The following KLF11 variants were observed in gnomAD, a reference collection of about 807,000 sequenced individuals.
KLF11 encodes the protein KLF transcription factor 11.
In KLF11, 26 loss-of-function variants were observed where a neutral mutation model predicts 29.9. The ratio of observed to expected loss-of-function variants is 0.87; its 90% CI spans 0.64 to 1.21. The LOEUF (loss-of-function observed/expected upper bound fraction) is 1.21. Ranked by LOEUF, KLF11 falls within the 50% of genes most tolerant of loss-of-function variation. The pLI is 0.00. For synonymous variants in KLF11, 318 were observed against 257.4 expected (o/e 1.24, Z -2.25); for missense variants, 778 against 665.7 (o/e 1.17, Z -1.86).
intron 1 of KLF11, chr2:10,044,231 G>GT: frequency 1.2e-6 from 1 of 857,426 alleles, no homozygotes; most frequent in Non-Finnish European, 1.3e-6. Context: ...GGGCCTGGGG[G>GT]CGGGCAAGGT....
At chr2:10,045,297 C>T (rs1661156936) in intron 1 of KLF11, among the ~76,000 whole-genome samples, 1 of 151,430 alleles carries the variant, frequency 6.6e-6, no homozygotes, top group African/African-American at 2.4e-5. Flanking sequence ...TGGTGGCGGA[C>T]GCCTCCCAGC....
chr2:10,047,622 C>T (rs200811754), intron 2 of KLF11, 28 bp from the exon 3 acceptor site: 13 of 1,581,710 alleles, frequency 8.2e-6, no homozygotes, highest in Middle Eastern at 1.7e-4. Context: ...TTTAAAGCAA[C>T]CTTTTAACAT....
chr2:10,048,995 G>A (rs1226552887), intron 3 of KLF11, among the ~76,000 whole-genome samples: 2 of 148,982 alleles, frequency 1.3e-5, no homozygotes, highest in African/African-American at 5.0e-5. Context: ...ATGTTTATGT[G>A]AGAAAAGGTC....
At position 10,052,471 on chromosome 2, in the gene KLF11, G is replaced by T; in HGVS notation, c.1503G>T (p.Pro501=). Residue 501 remains proline (P), a synonymous_variant, in exon 4 of 4, where the codon CCG becomes CCT. Coordinates refer to ENST00000305883, the MANE Select transcript of KLF11 (RefSeq NM_003597.5). Reference sequence around the variant, plus strand: ...ACAGAATCGCCTCTGCAGAGAGCCCGGGGAGCCCACTGGTGAGCATGCCAG... The same window carrying T: ...ACAGAATCGCCTCTGCAGAGAGCCCTGGGAGCCCACTGGTGAGCATGCCAG... ...KLNRIASAES[P]GSPLVSMPAS... 6.2e-7 allele frequency: 1 copy of T among 1,613,996 alleles called. No homozygotes were observed. The highest frequency in any genetic ancestry group is 8.5e-7 in the Non-Finnish European group (1 of 1,179,998).
chr2:10,052,465 G>A lies in KLF11; in HGVS notation c.1497G>A (p.Glu499=), dbSNP rs1245463200. ...VGKLNRIASA[E]SPGSPLVSMP... is the part of the protein sequence containing the mutation. ...AGCTGAACAGAATCGCCTCTGCAGA[G>A]AGCCCGGGGAGCCCACTGGTGAGCA... Residue 499 remains glutamate (E), a synonymous_variant, in exon 4 of 4, where the codon GAG becomes GAA. Coordinates refer to ENST00000305883, the MANE Select transcript of KLF11 (RefSeq NM_003597.5). The A allele has an allele frequency of 6.2e-7, 1 of 1,614,072 alleles. No homozygotes were observed. The highest frequency in any genetic ancestry group is 2.2e-5 in the East Asian group (1 of 44,876).
At chr2:10,050,892 C>CTTTTTTTTTTTTTTTTTTTTT (rs386389509) in intron 3 of KLF11, among the ~76,000 whole-genome samples, 2 of 54,824 alleles carry the variant, frequency 3.6e-5, no homozygotes, top group Non-Finnish European at 3.1e-5. Context: ...TAGATGCTAC[C>CTTTTTTTTTTTTTTTTTTTTT]TTTTTTTTTT....
At position 10,046,143 on chromosome 2, in the gene KLF11, C is replaced by G. The variant is rs371633895; in HGVS notation, c.43-7C>G. On this transcript the variant is annotated splice_region_variant and splice_polypyrimidine_tract_variant and intron_variant, in intron 1 of 3. Transcript: ENST00000305883. ...ACTGAGAAGCCGTTGTGTTGTGTCG[C>G]CTTTAGGTTGACATCATGGACATAT... 12 of 1,613,222 alleles carry G rather than the reference C, an allele frequency of 7.4e-6. No individual in the cohort carries two copies. The highest frequency in any genetic ancestry group is 1.3e-5 in the African/African-American group (1 of 74,882).
At position 10,047,925 on chromosome 2, in the gene KLF11, G is replaced by T. The variant is rs1173108969; in HGVS notation, c.588G>T (p.Arg196=). Residue 196 remains arginine (R), a synonymous_variant, in exon 3 of 4, where the codon CGG becomes CGT. Transcript: ENST00000305883. ...CFPTIQTPDC[R]LSDSREGEEQ... is the part of the protein sequence containing the mutation. Reference sequence around the variant, plus strand: ...CCACCATCCAGACTCCAGATTGCCGGCTTTCTGACAGCAGAGAAGGAGAAG... The same window carrying T: ...CCACCATCCAGACTCCAGATTGCCGTCTTTCTGACAGCAGAGAAGGAGAAG... The T allele has an allele frequency of 5.6e-6, 9 of 1,613,776 alleles. No individual in the cohort carries two copies. The highest frequency in any genetic ancestry group is 7.6e-6 in the Non-Finnish European group (9 of 1,180,042).
At chr2:10,049,127 T>G (rs183179589) in intron 3 of KLF11, among the ~76,000 whole-genome samples, 1 of 152,316 alleles carries the variant, frequency 6.6e-6, no homozygotes, top group Non-Finnish European at 1.5e-5. Context: ...GACCTAATGA[T>G]CTCTCTGTTG....
In KLF11 at chr2:10,052,242, A is replaced by G. The variant is rs1252035968; in HGVS notation, c.1274A>G (p.Asn425Ser). The G allele has an allele frequency of 3.7e-6, 6 of 1,614,126 alleles. No homozygotes were observed. The highest frequency in any genetic ancestry group is 4.2e-6 in the Non-Finnish European group (5 of 1,180,014). Residue 425 changes from asparagine (N) to serine (S), a missense_variant, in exon 4 of 4, where the codon AAC becomes AGC. Transcript: ENST00000305883. ...LRTHTGEKPF[N>S]CSWDGCDKKF... is the part of the protein sequence containing the mutation. ...CACCTCACAGGGGAGAAGCCTTTCAACTGCAGCTGGGATGGCTGTGATAAA... is the reference window on the plus strand; with the variant it reads ...CACCTCACAGGGGAGAAGCCTTTCAGCTGCAGCTGGGATGGCTGTGATAAA...
Position 10,046,398 on chromosome 2 carries a change from C to T in KLF11, c.291C>T (p.Asp97=), listed in dbSNP as rs1661204841. Residue 97 remains aspartate (D), a synonymous_variant, in exon 2 of 4, where the codon GAC becomes GAT. Transcript: ENST00000305883. ...CAGCCACACCTGAACTACCAAAAGA[C>T]TTCCATTCTTTATCGACTCTGGTAA... ...MDAATPELPK[D]FHSLSTLCIT... The T allele has an allele frequency of 6.2e-7, 1 of 1,614,022 alleles. No individual in the cohort carries two copies.
chr2:10,044,031 G>T, intron 1 of KLF11: 1 of 715,510 alleles, frequency 1.4e-6, no homozygotes, highest in African/African-American at 1.9e-5. Flanking sequence ...TGGCCCCGCG[G>T]CTATTTCCAG....
At position 10,048,157 on chromosome 2, in the gene KLF11, C is replaced by T. The variant is rs1297154872; in HGVS notation, c.820C>T (p.Pro274Ser). The change falls in exon 3 of 4, where the codon CCT becomes TCT. Residue 274 changes from proline (P) to serine (S), a missense_variant. Coordinates refer to ENST00000305883, the MANE Select transcript of KLF11 (RefSeq NM_003597.5). ...YENDLPRKTT[P>S]LISVSVPAPP... The stretch of plus-strand genomic sequence containing the variant: ...AAATGACCTGCCCAGGAAAACCACC[C>T]CTCTGATTTCTGTCTCTGTCCCTGC... 2 of 1,614,180 alleles carry T rather than the reference C, an allele frequency of 1.2e-6. No individual in the cohort carries two copies. The highest frequency in any genetic ancestry group is 8.5e-7 in the Non-Finnish European group (1 of 1,180,028).
intron 1 of KLF11, 55 bp downstream of exon 1, chr2:10,043,813 G>A (rs974789594): frequency 3.8e-6 from 5 of 1,329,234 alleles, no homozygotes; most frequent in Non-Finnish European, 2.9e-6. Context: ...GGGCGAGGCG[G>A]GGGAAGTGGT....
In KLF11 at chr2:10,046,222, A is replaced by G. The variant is rs1167246239; in HGVS notation, c.115A>G (p.Ile39Val). Residue 39 changes from isoleucine to valine, a missense_variant, in exon 2 of 4, where the codon ATC (isoleucine) becomes GTC (valine). Coordinates refer to ENST00000305883, the MANE Select transcript of KLF11 (RefSeq NM_003597.5). Reference sequence around the variant, plus strand: ...TGACAGCGAAAGGTCTACTTGCAGCATCTTGGAGCAGACAGACATGGAAGC... The same window carrying G: ...TGACAGCGAAAGGTCTACTTGCAGCGTCTTGGAGCAGACAGACATGGAAGC... ...RHDSERSTCS[I>V]LEQTDMEAVE... is the part of the protein sequence containing the mutation. 1 of 1,614,072 alleles carries G rather than the reference A, an allele frequency of 6.2e-7. No homozygotes were observed. The highest frequency in any genetic ancestry group is 1.3e-5 in the African/African-American group (1 of 74,922).
At chr2:10,046,505 C>A in intron 2 of KLF11, 86 bp downstream of exon 2, 1 of 1,450,258 alleles carries the variant, frequency 6.9e-7, no homozygotes, top group Non-Finnish European at 9.6e-7. Flanking sequence ...TGAGAAGATT[C>A]CCTGGGATGC....
chr2:10,043,649 C>G lies in KLF11; in HGVS notation c.-68C>G, dbSNP rs1375427329. On this transcript the variant is annotated 5_prime_UTR_variant, in exon 1 of 4. Transcript: ENST00000305883. ...CGCCGCCGCCGCCGCCCGCAGCCCA[C>G]GTGCGGCCGCTGCTGCGCCCGAGCT... 1.7e-6 allele frequency: 2 copies of G among 1,150,896 alleles called. No individual in the cohort carries two copies. Among genetic ancestry groups the G allele is most frequent in the Non-Finnish European group, 2.2e-6 (2 of 914,216 alleles). 71.3% of individuals were successfully genotyped at this position (1,150,896 alleles called of 1,614,324 possible).
intron 3 of KLF11, among the ~76,000 whole-genome samples, chr2:10,049,020 A>G (rs1378910331): frequency 6.6e-6 from 1 of 151,958 alleles, no homozygotes; most frequent in African/African-American, 2.4e-5. Flanking sequence ...CAAACTATAG[A>G]AAAGTTCAAA....
intron 3 of KLF11, 79 bp from the exon 4 acceptor site, chr2:10,052,148 T>G (rs1661423351): frequency 7.1e-7 from 1 of 1,417,056 alleles, no homozygotes; most frequent in Non-Finnish European, 1.0e-6. Flanking sequence ...AACACGATTT[T>G]AAAATGACAT....
Sources: gnomAD v4.1 joint callset for allele counts (sites outside exome capture counted in the v4.1 genomes callset) on GRCh38, gnomAD v4.1.1 for gene constraint, MANE v1.5 for transcripts, NCBI Gene and HGNC (gene_info 2026-07-23, HGNC 2026-07-21) for gene names.